The following TEX36 variants were observed in gnomAD, a reference collection of about 807,000 sequenced individuals.
TEX36 encodes the protein testis-expressed protein 36.
In TEX36, 12 loss-of-function variants were observed where a neutral mutation model predicts 13.6. The ratio of observed to expected loss-of-function variants is 0.88; its 90% CI spans 0.56 to 1.43. The LOEUF is 1.43. Among genes scored for constraint, TEX36 ranks in the 40% most tolerant of loss-of-function variants. The probability of loss-of-function intolerance (pLI) is 0.00; values close to 1 mark genes in which losing one functional copy is unlikely to be tolerated. For synonymous variants in TEX36, 93 were observed against 83.0 expected (o/e 1.12, Z -0.65); for missense variants, 224 against 228.3 (o/e 0.98, Z 0.12).
At chr10:125,654,681 G>T (rs1366922327), downstream of TEX36, among the ~76,000 whole-genome samples, 1 of 152,170 alleles carries the variant, frequency 6.6e-6, no homozygotes, top group African/African-American at 2.4e-5. Flanking sequence ...TGTGGGAAAA[G>T]ATACTCAACT....
At chr10:125,593,345 A>G (rs1480786221) in intron 3 of TEX36, among the ~76,000 whole-genome samples, 1 of 152,088 alleles carries the variant, frequency 6.6e-6, no homozygotes, top group African/African-American at 2.4e-5. Context: ...ATCATCCCCA[A>G]CTCCTGAGAA....
chr10:125,612,089 CTT>C (rs1221864951), intron 3 of TEX36, among the ~76,000 whole-genome samples: 11 of 136,760 alleles, frequency 8.0e-5, no homozygotes, highest in Admixed American at 1.5e-4. Flanking sequence ...TTTTCTTTTT[CTT>C]TTTTTTTTTT....
intron 3 of TEX36, among the ~76,000 whole-genome samples, chr10:125,615,114 A>AT (rs1200889425): frequency 6.6e-6 from 1 of 152,066 alleles, no homozygotes; most frequent in Non-Finnish European, 1.5e-5. Flanking sequence ...AATGCTTGTG[A>AT]TTTTTGTACA....
intron 3 of TEX36, among the ~76,000 whole-genome samples, chr10:125,644,602 T>G (rs1349437175): frequency 6.6e-6 from 1 of 152,198 alleles, no homozygotes; most frequent in African/African-American, 2.4e-5. Context: ...GGCTTGTGGA[T>G]TGTACCAATA....
At chr10:125,663,080 C>T (rs1393229469) in intron 1 of TEX36, among the ~76,000 whole-genome samples, 1 of 152,180 alleles carries the variant, frequency 6.6e-6, no homozygotes, top group African/African-American at 2.4e-5. Context: ...ATTCAGAGGT[C>T]CTGAGTCCAC....
intron 3 of TEX36, among the ~76,000 whole-genome samples, chr10:125,640,656 A>T (rs1477405101): frequency 1.3e-5 from 2 of 152,086 alleles, no homozygotes; most frequent in Non-Finnish European, 2.9e-5. Context: ...AGCGCAATTG[A>T]CTGCCCTGTG....
intron 3 of TEX36, among the ~76,000 whole-genome samples, chr10:125,607,129 G>A (rs1490411501): frequency 6.6e-6 from 1 of 152,134 alleles, no homozygotes; most frequent in Non-Finnish European, 1.5e-5. Context: ...ATATTGTATT[G>A]GGCAGCAGGG....
chr10:125,625,214 C>T (rs544015860), intron 3 of TEX36, among the ~76,000 whole-genome samples: 7 of 152,376 alleles, frequency 4.6e-5, no homozygotes, highest in Admixed American at 3.3e-4. Context: ...CTGGGCAGGA[C>T]TGCCTTATTC....
chr10:125,623,565 A>T (rs1041663098), intron 3 of TEX36, among the ~76,000 whole-genome samples: 12 of 148,458 alleles, frequency 8.1e-5, no homozygotes, highest in African/African-American at 3.0e-4. Flanking sequence ...CCCAGGATTG[A>T]CTGGTTTCCA....
In TEX36 at chr10:125,661,826, G is replaced by A. The variant is rs1160378929; in HGVS notation, c.183+20C>T. On this transcript the variant is annotated intron_variant, in intron 2 of 3. Coordinates refer to ENST00000368821, the MANE Select transcript of TEX36 (RefSeq NM_001128202.3). ...GAGGTCCACAGGAGCACATGGCAGT[G>A]GCCAGTGTTCAGGACTCACCTTCTC... is the stretch of plus-strand genomic sequence containing the variant. 2.6e-6 allele frequency: 4 copies of A among 1,551,502 alleles called. No homozygotes were observed. The highest frequency in any genetic ancestry group is 3.5e-6 in the Non-Finnish European group (4 of 1,146,938).
intron 3 of TEX36, among the ~76,000 whole-genome samples, chr10:125,584,659 G>A (rs1274007353): frequency 6.6e-6 from 1 of 152,168 alleles, no homozygotes; most frequent in Non-Finnish European, 1.5e-5. Flanking sequence ...AAAAGAGGCA[G>A]AGACACCAGA....
At chr10:125,647,774 T>A (rs562216160) in intron 3 of TEX36, among the ~76,000 whole-genome samples, 1 of 151,598 alleles carries the variant, frequency 6.6e-6, no homozygotes, top group East Asian at 1.9e-4. Flanking sequence ...CCGTGACAGA[T>A]GTTACCTGGA....
intron 3 of TEX36, among the ~76,000 whole-genome samples, chr10:125,583,790 C>A (rs900403345): frequency 6.6e-6 from 1 of 152,128 alleles, no homozygotes; most frequent in Non-Finnish European, 1.5e-5. Flanking sequence ...AGATACATAG[C>A]CTGGAAGAAA....
chr10:125,612,659 C>CCTG (rs1272304082), intron 3 of TEX36, among the ~76,000 whole-genome samples: 1 of 152,018 alleles, frequency 6.6e-6, no homozygotes, highest in Non-Finnish European at 1.5e-5. Context: ...GCAGTAGCTC[C>CCTG]CTTAGTAATC....
intron 3 of TEX36, among the ~76,000 whole-genome samples, chr10:125,614,330 G>A (rs916564378): frequency 2.6e-5 from 4 of 152,080 alleles, no homozygotes; most frequent in African/African-American, 9.7e-5. Context: ...CATTGCTTTT[G>A]GTGTTTTAGA....
At chr10:125,618,253 T>C (rs1172491334), downstream of TEX36, among the ~76,000 whole-genome samples, 1 of 152,054 alleles carries the variant, frequency 6.6e-6, no homozygotes, top group Non-Finnish European at 1.5e-5. Flanking sequence ...TAGCTCGGAG[T>C]AATTTGATCG....
intron 1 of TEX36, among the ~76,000 whole-genome samples, chr10:125,668,285 G>A (rs1428965391): frequency 6.6e-6 from 1 of 151,728 alleles, no homozygotes; most frequent in East Asian, 1.9e-4. Context: ...AATCCAACCA[G>A]TTCTGGACTT....
chr10:125,611,375 G>C (rs1050708810), intron 3 of TEX36, among the ~76,000 whole-genome samples: 2 of 152,066 alleles, frequency 1.3e-5, no homozygotes, highest in African/African-American at 2.4e-5. Context: ...TAATACCTCA[G>C]CATTCAAATC....
chr10:125,607,430 G>A (rs937775844), intron 3 of TEX36, among the ~76,000 whole-genome samples: 13 of 152,118 alleles, frequency 8.5e-5, no homozygotes, highest in Admixed American at 7.9e-4. Flanking sequence ...TGCCCTCCCC[G>A]CATTTATTTC....
Sources: allele counts gnomAD v4.1 joint callset (sites outside exome capture counted in the v4.1 genomes callset), GRCh38; gene constraint gnomAD v4.1.1; transcripts MANE v1.5; gene names NCBI Gene and HGNC (gene_info 2026-07-23, HGNC 2026-07-21).